The following SLC30A7 variants were observed in gnomAD, a reference collection of about 807,000 sequenced individuals.
The protein encoded by SLC30A7 is zinc transporter 7.
SLC30A7 carries 35 observed loss-of-function variants against 46.0 expected under a neutral mutation model. The observed-to-expected ratio is 0.76, with a 90% CI of 0.58 to 1.01. The LOEUF is 1.01. Ranked by LOEUF, SLC30A7 falls within the 50% of genes least tolerant of loss-of-function variation. The probability of loss-of-function intolerance (pLI) is 0.00; values close to 1 mark genes in which losing one functional copy is unlikely to be tolerated. For synonymous variants in SLC30A7, 147 were observed against 157.8 expected (o/e 0.93, Z 0.51); for missense variants, 464 against 451.1 (o/e 1.03, Z -0.26).
intron 6 of SLC30A7, among the ~76,000 whole-genome samples, chr1:100,916,112 C>G (rs1652525680): frequency 6.6e-6 from 1 of 151,548 alleles, no homozygotes; most frequent in Non-Finnish European, 1.5e-5. Context: ...CCATTTATTA[C>G]TTTTTTATTT....
In SLC30A7 at chr1:100,974,966, C is replaced by T; in HGVS notation, c.*109C>T. The T allele has an allele frequency of 1.2e-6, 1 of 840,742 alleles. No individual in the cohort carries two copies. Among genetic ancestry groups the T allele is most frequent in the Non-Finnish European group, 1.8e-6 (1 of 543,512 alleles). The allele number at this position is 840,742 out of a possible 1,614,324, so 52.1% of individuals were successfully genotyped here. ...AAGAGAGAAATTATCACTACAACTCCCGAGCACTAAGTAGACGGGGTAGAG... is the reference window on the plus strand; with the variant it reads ...AAGAGAGAAATTATCACTACAACTCTCGAGCACTAAGTAGACGGGGTAGAG... On this transcript the variant is annotated 3_prime_UTR_variant, in exon 11 of 11. Coordinates refer to ENST00000357650, the MANE Select transcript of SLC30A7 (RefSeq NM_133496.5).
chr1:100,906,389 C>G (rs773755405), intron 2 of SLC30A7, among the ~76,000 whole-genome samples: 2 of 152,186 alleles, frequency 1.3e-5, no homozygotes, highest in African/African-American at 2.4e-5. Context: ...TCTTGCCGCT[C>G]TCCCTCTCTC....
chr1:100,903,930 G>C (rs865951319), intron 2 of SLC30A7, among the ~76,000 whole-genome samples: 1 of 151,864 alleles, frequency 6.6e-6, no homozygotes, highest in Non-Finnish European at 1.5e-5. Flanking sequence ...GGGAACACCA[G>C]GTATTATAAG....
intron 6 of SLC30A7, among the ~76,000 whole-genome samples, chr1:100,917,475 T>G (rs1476187743): frequency 1.3e-5 from 2 of 152,202 alleles, no homozygotes; most frequent in African/African-American, 4.8e-5. Context: ...ATGATCTGTT[T>G]AAACAAATAT....
At chr1:100,919,238 T>C (rs1652792157) in intron 7 of SLC30A7, among the ~76,000 whole-genome samples, 1 of 152,080 alleles carries the variant, frequency 6.6e-6, no homozygotes. Flanking sequence ...TGTTTTGTTT[T>C]TGTGGGTGGG....
At chr1:100,994,637 G>C in the SLC30A7 span, among the ~76,000 whole-genome samples, 7 of 150,440 alleles carry the variant, frequency 4.7e-5, no homozygotes, top group South Asian at 1.5e-3. Context: ...AGCGATTCTC[G>C]TGCCTCAACC....
chr1:100,994,196 T>C, the SLC30A7 span, among the ~76,000 whole-genome samples: 1 of 152,234 alleles, frequency 6.6e-6, no homozygotes, highest in Non-Finnish European at 1.5e-5. Flanking sequence ...TAAATTTTCA[T>C]TGGAAATAGT....
intron 2 of SLC30A7, among the ~76,000 whole-genome samples, chr1:100,898,235 C>T (rs542110702): frequency 2.8e-4 from 43 of 152,156 alleles, no homozygotes; most frequent in Non-Finnish European, 4.4e-4. Context: ...ATAAGTCACT[C>T]TGTGAAATAT....
chr1:100,952,030 A>T (rs975892349), intron 8 of SLC30A7, among the ~76,000 whole-genome samples: 7 of 152,208 alleles, frequency 4.6e-5, no homozygotes. Flanking sequence ...GGCTTTGAAG[A>T]TGGAGGAAGA....
chr1:100,908,068 CTCTT>C (rs779431237), intron 3 of SLC30A7, among the ~76,000 whole-genome samples: 4 of 151,986 alleles, frequency 2.6e-5, no homozygotes, highest in African/African-American at 7.2e-5. Context: ...TTCCAAGTCT[CTCTT>C]TCCTTCCTTC....
downstream of SLC30A7, among the ~76,000 whole-genome samples, chr1:100,985,079 AAG>A (rs1336248669): frequency 1.3e-5 from 2 of 152,216 alleles, no homozygotes; most frequent in Non-Finnish European, 2.9e-5. Context: ...AGACAGAGAA[AAG>A]AGTCAATGAA....
intron 8 of SLC30A7, among the ~76,000 whole-genome samples, chr1:100,946,094 A>T (rs1321148022): frequency 6.6e-6 from 1 of 152,110 alleles, no homozygotes; most frequent in Non-Finnish European, 1.5e-5. Context: ...TTTGTCTGTT[A>T]TCGGTGTATA....
chr1:100,913,626 T>A (rs978152903), intron 5 of SLC30A7, 37 bp from the exon 6 acceptor site: 13 of 1,507,340 alleles, frequency 8.6e-6, no homozygotes, highest in Admixed American at 8.5e-5. Flanking sequence ...TATAATATAT[T>A]TTTACATACC....
At chr1:100,950,524 C>T (rs1343542362) in intron 8 of SLC30A7, among the ~76,000 whole-genome samples, 2 of 152,214 alleles carry the variant, frequency 1.3e-5, no homozygotes, top group South Asian at 2.1e-4. Context: ...CTGTACCAGT[C>T]AGCTCTATGA....
downstream of SLC30A7, among the ~76,000 whole-genome samples, chr1:100,985,789 C>T (rs951056153): frequency 6.6e-6 from 1 of 151,906 alleles, no homozygotes; most frequent in Admixed American, 6.6e-5. Context: ...TTAGACATGG[C>T]AACAGAAGCA....
At chr1:100,911,478 G>T (rs984715273) in intron 4 of SLC30A7, among the ~76,000 whole-genome samples, 4 of 152,054 alleles carry the variant, frequency 2.6e-5, no homozygotes, top group Admixed American at 2.6e-4. Context: ...TTAACATTTG[G>T]CGTATTTTTT....
intron 8 of SLC30A7, among the ~76,000 whole-genome samples, chr1:100,937,031 A>T (rs1011761748): frequency 6.6e-6 from 1 of 152,174 alleles, no homozygotes; most frequent in Non-Finnish European, 1.5e-5. Context: ...ATCTGTATCT[A>T]TATCTATATC....
downstream of SLC30A7, among the ~76,000 whole-genome samples, chr1:100,985,847 G>A (rs772813898): frequency 8.5e-5 from 13 of 152,126 alleles, no homozygotes; most frequent in East Asian, 3.8e-4. Context: ...AATTTAAAAC[G>A]TTTGCTTTAT....
At chr1:100,960,034 T>C (rs1184749237) in intron 8 of SLC30A7, among the ~76,000 whole-genome samples, 1 of 152,158 alleles carries the variant, frequency 6.6e-6, no homozygotes, top group African/African-American at 2.4e-5. Flanking sequence ...AAAAAGGAAT[T>C]AAGGGTGACA....
Sources: gnomAD v4.1 joint callset for allele counts (sites outside exome capture counted in the v4.1 genomes callset) on GRCh38, gnomAD v4.1.1 for gene constraint, MANE v1.5 for transcripts, NCBI Gene and HGNC (gene_info 2026-07-23, HGNC 2026-07-21) for gene names.